GHR: variants seen among roughly 807,000 people sequenced by gnomAD.
GHR encodes GH receptor.
In GHR, 35 loss-of-function variants were observed where a neutral mutation model predicts 67.1. That is an observed-to-expected ratio of 0.52 (90% confidence interval 0.40 to 0.69). The LOEUF is 0.69. Among genes scored for constraint, GHR ranks in the 30% least tolerant of loss-of-function variants. The probability of loss-of-function intolerance (pLI) is 0.00; values close to 1 mark genes in which losing one functional copy is unlikely to be tolerated. For missense variants in GHR, 792 were observed against 764.6 expected, an observed-to-expected ratio of 1.04 and a Z score of -0.42; for synonymous variants, 272 against 269.1, an observed-to-expected ratio of 1.01 and a Z score of -0.10.
At chr5:42,452,255 C>T (rs1302016908) in intron 1 of GHR, among the ~76,000 whole-genome samples, 1 of 152,180 alleles carries the variant, frequency 6.6e-6, no homozygotes, top group African/African-American at 2.4e-5. Context: ...GGCAAGGTTT[C>T]TCTTGAGAAG....
intron 3 of GHR, among the ~76,000 whole-genome samples, chr5:42,645,058 G>C: frequency 6.6e-6 from 1 of 152,148 alleles, no homozygotes; most frequent in East Asian, 1.9e-4. Flanking sequence ...TATATGAACA[G>C]ATTAGTTTAG....
chr5:42,518,502 T>G (rs930347221), intron 1 of GHR, among the ~76,000 whole-genome samples: 3 of 152,160 alleles, frequency 2.0e-5, no homozygotes, highest in African/African-American at 7.2e-5. Context: ...AAGTAAAAGT[T>G]TATAGTGCTT....
intron 2 of GHR, among the ~76,000 whole-genome samples, chr5:42,578,384 A>G (rs1750883193): frequency 1.3e-5 from 2 of 152,182 alleles, no homozygotes; most frequent in South Asian, 4.1e-4. Context: ...TCTTCTTTTC[A>G]TTTGTTACTC....
chr5:42,689,689 G>A (rs997453626), intron 4 of GHR, among the ~76,000 whole-genome samples: 4 of 152,184 alleles, frequency 2.6e-5, no homozygotes, highest in African/African-American at 9.7e-5. Flanking sequence ...AAAGTGAGGA[G>A]AGTGATATGG....
chr5:42,717,026 C>G (rs1469826458), intron 8 of GHR, among the ~76,000 whole-genome samples: 1 of 152,154 alleles, frequency 6.6e-6, no homozygotes, highest in Non-Finnish European at 1.5e-5. Flanking sequence ...AAACTCCAGG[C>G]CAGATACAAT....
intron 1 of GHR, among the ~76,000 whole-genome samples, chr5:42,504,072 C>G (rs1746651598): frequency 6.6e-6 from 1 of 152,022 alleles, no homozygotes; most frequent in Admixed American, 6.5e-5. Context: ...ACCCATAGCC[C>G]TAGTAATAAG....
chr5:42,700,766 C>T (rs1007170725), intron 6 of GHR, among the ~76,000 whole-genome samples: 52 of 152,102 alleles, frequency 3.4e-4, no homozygotes, highest in African/African-American at 1.2e-3. Context: ...ACAGATCACT[C>T]CCAGAATTTT....
intron 1 of GHR, chr5:42,548,185 A>C: frequency 3.1e-6 from 3 of 983,030 alleles, no homozygotes; most frequent in Non-Finnish European, 3.6e-6. Flanking sequence ...CAATGGTCTG[A>C]TGTGATTTAA....
intron 2 of GHR, among the ~76,000 whole-genome samples, chr5:42,570,104 A>C (rs1750203760): frequency 6.6e-6 from 1 of 152,178 alleles, no homozygotes; most frequent in South Asian, 2.1e-4. Flanking sequence ...GGATGTCAAG[A>C]CATGTCAGAT....
intron 3 of GHR, among the ~76,000 whole-genome samples, chr5:42,682,804 G>A (rs1373949007): frequency 4.6e-5 from 7 of 152,124 alleles, no homozygotes; most frequent in Non-Finnish European, 1.0e-4. Context: ...CAAATATTTA[G>A]TAAAGTTAAT....
intron 1 of GHR, among the ~76,000 whole-genome samples, chr5:42,502,084 G>A (rs1017898845): frequency 2.6e-5 from 4 of 152,074 alleles, no homozygotes; most frequent in African/African-American, 9.7e-5. Context: ...TCCGTGGGTG[G>A]GAGTTAGGGA....
chr5:42,687,031 G>A (rs140525446), intron 3 of GHR, among the ~76,000 whole-genome samples: 237 of 152,152 alleles, frequency 1.6e-3, no homozygotes, highest in African/African-American at 5.5e-3. Context: ...CTATACACCA[G>A]TAACAGACAG....
rs1382173313 is a variant in GHR, at chr5:42,629,985, TCTC to T, written c.136+886_136+888del. Among the ~76,000 whole-genome samples, 2 of 131,520 alleles carry T rather than the reference TCTC, an allele frequency of 1.5e-5. 1 individual carries two copies. Among genetic ancestry groups the T allele is most frequent in the African/African-American group, 6.4e-5 (2 of 31,084 alleles). The allele number at this position is 131,520 out of a possible 152,430, so 86.3% of individuals were successfully genotyped here. ...ACATTCCCCGCTGGTCCTTTGACAA[TCTC>T]CTCTTCAACCACAAGACAGAACCCC... On this transcript the variant is annotated intron_variant, in intron 3 of 9. Coordinates refer to ENST00000230882, the MANE Select transcript of GHR (RefSeq NM_000163.5).
chr5:42,680,803 C>T (rs1280384537), intron 3 of GHR, among the ~76,000 whole-genome samples: 1 of 151,908 alleles, frequency 6.6e-6, no homozygotes, highest in Non-Finnish European at 1.5e-5. Flanking sequence ...CTGCTCCCAG[C>T]CCCAAACATG....
At chr5:42,507,296 T>C (rs1258456093) in intron 1 of GHR, among the ~76,000 whole-genome samples, 4 of 152,234 alleles carry the variant, frequency 2.6e-5, no homozygotes, top group Non-Finnish European at 5.9e-5. Flanking sequence ...AAACTTTTAT[T>C]GAAAAAACTA....
At chr5:42,477,127 G>A (rs1285964528) in intron 1 of GHR, among the ~76,000 whole-genome samples, 1 of 146,472 alleles carries the variant, frequency 6.8e-6, no homozygotes, top group African/African-American at 2.6e-5. Flanking sequence ...GTGAGAACAT[G>A]CGGTGTTTGG....
intron 1 of GHR, among the ~76,000 whole-genome samples, chr5:42,454,898 G>T (rs923807200): frequency 6.6e-6 from 1 of 151,976 alleles, no homozygotes; most frequent in Non-Finnish European, 1.5e-5. Flanking sequence ...TTCTGTTCAC[G>T]CAGGTTCATG....
At chr5:42,502,670 C>G (rs943647865) in intron 1 of GHR, among the ~76,000 whole-genome samples, 9 of 151,768 alleles carry the variant, frequency 5.9e-5, no homozygotes, top group Non-Finnish European at 8.8e-5. Context: ...GCAATGGGAC[C>G]AAAGTCATCC....
chr5:42,704,518 T>A (rs1359892501), intron 6 of GHR, among the ~76,000 whole-genome samples: 1 of 152,018 alleles, frequency 6.6e-6, no homozygotes, highest in African/African-American at 2.4e-5. Context: ...AATTTTCTTT[T>A]CTTGTAGTGT....
Sources: allele counts gnomAD v4.1 joint callset (sites outside exome capture counted in the v4.1 genomes callset), GRCh38; gene constraint gnomAD v4.1.1; transcripts MANE v1.5; gene names NCBI Gene and HGNC (gene_info 2026-07-23, HGNC 2026-07-21).